Variants in FBXL18 observed in about 807,000 individuals in gnomAD.
FBXL18 encodes the protein F-box and leucine rich repeat protein 18, also known as F-box/LRR-repeat protein 18.
In FBXL18, 36 loss-of-function variants were observed where a neutral mutation model predicts 46.0. The observed-to-expected ratio is 0.78, with a 90% CI of 0.60 to 1.03. The LOEUF is 1.03. FBXL18 is among the 50% of genes least tolerant of loss of function. The probability of loss-of-function intolerance (pLI) is 0.00; values close to 1 mark genes in which losing one functional copy is unlikely to be tolerated. For missense variants in FBXL18, 977 were observed against 1,004.1 expected (o/e 0.97, Z 0.36); for synonymous variants, 557 against 465.3 (o/e 1.20, Z -2.54).
In FBXL18 at chr7:5,461,295, G is replaced by A. The variant is rs879715749; in HGVS notation, c.2001-13452C>T. On this transcript the variant is annotated intron_variant and NMD_transcript_variant, in intron 4 of 6. Transcript: ENST00000415009. ...CATTTTCTTCCTTCCAGCCAGGCAC[G>A]GTGGCTTCTACCTGTAATCCCAGCG... Among the ~76,000 whole-genome samples the A allele has an allele frequency of 3.1e-4, 47 of 152,336 alleles. 1 individual carries two copies. Among genetic ancestry groups the A allele is most frequent in the South Asian group, 8.3e-4 (4 of 4,828 alleles).
intron 3 of FBXL18, among the ~76,000 whole-genome samples, chr7:5,494,311 T>C (rs1309114085): frequency 6.7e-6 from 1 of 150,064 alleles, no homozygotes; most frequent in Non-Finnish European, 1.5e-5. Flanking sequence ...TGGCGGGGCA[T>C]GCCCATTATC....
At chr7:5,513,601 C>T (rs918696749) in intron 1 of FBXL18, 56 bp downstream of exon 1, 1 of 1,600,874 alleles carries the variant, frequency 6.2e-7, no homozygotes, top group Non-Finnish European at 8.5e-7. Context: ...TGGAAGAACC[C>T]AGGGAGACCG....
At chr7:5,464,001 C>T (rs184066687) in intron 4 of FBXL18, among the ~76,000 whole-genome samples, 1,737 of 151,892 alleles carry the variant, frequency 0.011, 32 homozygotes, top group African/African-American at 0.04. Context: ...AGCCTCCCAA[C>T]GTGCTGGGAT....
intron 4 of FBXL18, among the ~76,000 whole-genome samples, chr7:5,468,248 G>C (rs1783375326): frequency 6.6e-6 from 1 of 152,130 alleles, no homozygotes; most frequent in Non-Finnish European, 1.5e-5. Context: ...CTCCCAAAGT[G>C]CTGGGATTAC....
At chr7:5,485,079 G>A (rs1783739719) in intron 4 of FBXL18, among the ~76,000 whole-genome samples, 2 of 152,174 alleles carry the variant, frequency 1.3e-5, no homozygotes, top group South Asian at 2.1e-4. Context: ...ATGGCACCCA[G>A]CCAGGATTCG....
chr7:5,500,262 A>C (rs1356480163), intron 3 of FBXL18, among the ~76,000 whole-genome samples: 2 of 151,910 alleles, frequency 1.3e-5, no homozygotes, highest in African/African-American at 4.8e-5. Context: ...TCACTCAAAC[A>C]CTATCAGGAA....
chr7:5,473,418 C>G (rs1562677318), downstream of FBXL18, among the ~76,000 whole-genome samples: 1 of 133,102 alleles, frequency 7.5e-6, no homozygotes, highest in Non-Finnish European at 1.6e-5. Flanking sequence ...GAGCCCAGGA[C>G]AGGTAAAGGA....
chr7:5,481,843 C>T lies in FBXL18; in HGVS notation c.2089G>A (p.Val697Met). 1 of 1,613,836 alleles carries T rather than the reference C, an allele frequency of 6.2e-7. No homozygotes were observed. The highest frequency in any genetic ancestry group is 1.3e-5 in the African/African-American group (1 of 75,056). The change falls in exon 5 of 5, where the codon GTG becomes ATG. Residue 697 changes from valine to methionine, a missense_variant. Val to Met is a conservative substitution (Grantham distance 21). Transcript: ENST00000382368. The stretch of plus-strand genomic sequence containing the variant: ...AATAAGGTGATCTCATCCAGGTGCA[C>T]CAGGGGGACGTCCCGGATGACGTCG... ...LTDVIRDVPL[V>M]HLDEITLFKS...
chr7:5,508,398 G>A (rs368915150), intron 1 of FBXL18, among the ~76,000 whole-genome samples: 5 of 150,066 alleles, frequency 3.3e-5, no homozygotes, highest in African/African-American at 9.8e-5. Context: ...AGCCGAGATC[G>A]CACCATTGCA....
At chr7:5,458,510 C>T (rs1394733333) in intron 4 of FBXL18, among the ~76,000 whole-genome samples, 1 of 151,854 alleles carries the variant, frequency 6.6e-6, no homozygotes, top group Non-Finnish European at 1.5e-5. Context: ...CCAGCCTGAT[C>T]TACATGATGA....
chr7:5,482,011 A>G (rs982203632), intron 4 of FBXL18, 80 bp from the exon 5 acceptor site: 7 of 1,495,924 alleles, frequency 4.7e-6, no homozygotes, highest in Non-Finnish European at 6.3e-6. Context: ...CCCAGGAGGC[A>G]CTCACACCTG....
At chr7:5,483,871 C>T (rs1004728212) in intron 4 of FBXL18, among the ~76,000 whole-genome samples, 7 of 152,170 alleles carry the variant, frequency 4.6e-5, no homozygotes, top group East Asian at 3.9e-4. Flanking sequence ...CCGGCCACAG[C>T]GGCCACTTAA....
intron 4 of FBXL18, among the ~76,000 whole-genome samples, chr7:5,454,688 G>C (rs1783147994): frequency 1.3e-5 from 2 of 152,184 alleles, no homozygotes; most frequent in South Asian, 4.1e-4. Flanking sequence ...GGTTCAGGAA[G>C]CTGCCCCAGG....
chr7:5,462,775 C>T (rs1379814794), intron 4 of FBXL18, among the ~76,000 whole-genome samples: 1 of 150,536 alleles, frequency 6.6e-6, no homozygotes, highest in Non-Finnish European at 1.5e-5. Flanking sequence ...CATGGTGAAA[C>T]CCTATCTCTA....
downstream of FBXL18, among the ~76,000 whole-genome samples, chr7:5,472,583 ACATGGAGAGGTCT>A (rs1445643757): frequency 1.3e-5 from 2 of 152,034 alleles, no homozygotes; most frequent in African/African-American, 4.8e-5. Context: ...TGACAAGGCC[ACATGGAGAGGTCT>A]CATGGAGAGG....
chr7:5,488,219 C>T (rs1257118139), intron 4 of FBXL18, among the ~76,000 whole-genome samples: 1 of 152,242 alleles, frequency 6.6e-6, no homozygotes. Flanking sequence ...AAGCTCCCGG[C>T]CTGCAAGGGG....
intron 3 of FBXL18, among the ~76,000 whole-genome samples, chr7:5,493,053 C>T (rs930795995): frequency 6.6e-6 from 1 of 152,082 alleles, no homozygotes; most frequent in African/African-American, 2.4e-5. Context: ...GACCAAGTCA[C>T]GGCGGGCATG....
chr7:5,466,314 T>C (rs561921392), intron 4 of FBXL18, among the ~76,000 whole-genome samples: 40 of 152,242 alleles, frequency 2.6e-4, no homozygotes, highest in African/African-American at 6.0e-4. Context: ...AAGTCCGAGA[T>C]AGGTCTCCCT....
In FBXL18 at chr7:5,478,489, ACACGGGGCTG is replaced by A. The variant is rs1456633385; in HGVS notation, c.*3276_*3285del. The A allele has an allele frequency of 6.5e-6, 1 of 152,846 alleles. No individual in the cohort carries two copies. The highest frequency in any genetic ancestry group is 1.5e-5 in the Non-Finnish European group (1 of 68,520). 9.5% of individuals were successfully genotyped at this position (152,846 alleles called of 1,614,324 possible). On this transcript the variant is annotated 3_prime_UTR_variant, in exon 5 of 5. Transcript: ENST00000382368. ...CAGGAGGCGGGGCGGAGGCTGCGGG[ACACGGGGCTG>A]CAGGGCCGGGAAGGGGGTCAGGAGA...
Sources: gnomAD v4.1 joint callset for allele counts (sites outside exome capture counted in the v4.1 genomes callset) on GRCh38, gnomAD v4.1.1 for gene constraint, MANE v1.5 for transcripts, NCBI Gene and HGNC (gene_info 2026-07-23, HGNC 2026-07-21) for gene names.